GCC2: variants seen among roughly 807,000 people sequenced by gnomAD.
The protein encoded by GCC2 is GRIP and coiled-coil domain containing 2.
Under a neutral mutation model 210.6 loss-of-function variants are expected in GCC2, and 120 were observed. That is an observed-to-expected ratio of 0.57 (90% confidence interval 0.49 to 0.66). The LOEUF (loss-of-function observed/expected upper bound fraction) is 0.66. GCC2 is among the 30% of genes least tolerant of loss of function. The pLI is 0.00. For missense variants in GCC2, 1,868 were observed against 1,871.9 expected (o/e 1.00, Z 0.04); for synonymous variants, 703 against 652.7 (o/e 1.08, Z -1.17).
intron 7 of GCC2, chr2:108,474,847 G>A (rs1327634074): frequency 6.6e-6 from 1 of 152,150 alleles, no homozygotes; most frequent in Admixed American, 6.5e-5. Flanking sequence ...GAGAATTGTT[G>A]CTCTGATGCT....
chr2:108,466,912 C>T (rs1271704124), intron 4 of GCC2, among the ~76,000 whole-genome samples: 3 of 152,170 alleles, frequency 2.0e-5, no homozygotes, highest in Non-Finnish European at 4.4e-5. Flanking sequence ...AATAGCCTTT[C>T]TCCATTAACC....
At chr2:108,497,564 G>A (rs1478714535) in intron 21 of GCC2, among the ~76,000 whole-genome samples, 6 of 152,218 alleles carry the variant, frequency 3.9e-5, no homozygotes, top group Admixed American at 1.3e-4. Context: ...GTGAGTCGTT[G>A]AATTCTAAAG....
chr2:108,482,242 T>C (rs778612994), intron 10 of GCC2, 45 bp from the exon 11 acceptor site: 1 of 1,132,676 alleles, frequency 8.8e-7, no homozygotes, highest in Admixed American at 2.1e-5. Context: ...CTCTGCTGTA[T>C]ATGTTTTTTG....
At chr2:108,463,208 G>T (rs947091136) in intron 4 of GCC2, among the ~76,000 whole-genome samples, 2 of 152,054 alleles carry the variant, frequency 1.3e-5, no homozygotes, top group Admixed American at 6.5e-5. Context: ...ATTTCTTTTA[G>T]ATTGAGATCT....
chr2:108,459,745 C>CTTTTTTTTA (rs1680457218), intron 4 of GCC2, among the ~76,000 whole-genome samples: 1 of 26,764 alleles, frequency 3.7e-5, no homozygotes, highest in Non-Finnish European at 6.7e-5. Context: ...CCTTCTTTGT[C>CTTTTTTTTA]TTTTTTTTTT....
chr2:108,491,293 T>G (rs1399507249), intron 18 of GCC2, among the ~76,000 whole-genome samples: 1 of 152,200 alleles, frequency 6.6e-6, no homozygotes, highest in Non-Finnish European at 1.5e-5. Flanking sequence ...AATTCATAAA[T>G]GTCAGTGATA....
intron 7 of GCC2, chr2:108,473,384 G>A (rs901190581): frequency 1.3e-5 from 2 of 152,240 alleles, no homozygotes; most frequent in Non-Finnish European, 2.9e-5. Context: ...TTTTACACAG[G>A]AAGAAAGGTA....
intron 12 of GCC2, 82 bp from the exon 13 acceptor site, chr2:108,484,067 T>C: frequency 1.3e-6 from 1 of 783,174 alleles, no homozygotes; most frequent in Non-Finnish European, 2.0e-6. Context: ...GGCATCATTT[T>C]AGCAATTTTA....
At chr2:108,474,729 A>G (rs1432841298) in intron 7 of GCC2, 1 of 152,114 alleles carries the variant, frequency 6.6e-6, no homozygotes, top group African/African-American at 2.4e-5. Flanking sequence ...TGCTTTCACT[A>G]TTTGTTCCTG....
rs1394461749 is a variant in GCC2 at position 108,470,616 on chromosome 2, TAAG to T, written c.1288_1290del (p.Lys430del). ...AGCATAACAGAGAAGTACAGAGTCT[TAAG>T]GAACAACATCAAAAAGAAATATCAG... On this transcript the variant is annotated inframe_deletion, in exon 6 of 23. Transcript: ENST00000309863. 2.5e-6 allele frequency: 4 copies of T among 1,612,204 alleles called. No individual in the cohort carries two copies. The highest frequency in any genetic ancestry group is 3.3e-5 in the Admixed American group (2 of 59,878).
At chr2:108,464,612 GA>G (rs1680779025) in intron 4 of GCC2, among the ~76,000 whole-genome samples, 2 of 152,186 alleles carry the variant, frequency 1.3e-5, no homozygotes, top group African/African-American at 4.8e-5. Flanking sequence ...GAGCATTGGG[GA>G]ATTTCTCTCT....
chr2:108,459,123 G>A (rs1680424005), intron 4 of GCC2, among the ~76,000 whole-genome samples: 1 of 151,980 alleles, frequency 6.6e-6, no homozygotes, highest in Admixed American at 6.6e-5. Context: ...AATCACATAG[G>A]TTTTGTGATA....
At chr2:108,481,932 C>A in intron 10 of GCC2, 116 bp downstream of exon 10, 1 of 675,746 alleles carries the variant, frequency 1.5e-6, no homozygotes, top group Admixed American at 3.4e-5. Flanking sequence ...TCCCCCCCCA[C>A]TTTACCCTCC....
At chr2:108,493,596 C>T (rs987687862) in intron 19 of GCC2, 6 of 985,314 alleles carry the variant, frequency 6.1e-6, no homozygotes, top group Non-Finnish European at 2.4e-6. Flanking sequence ...TTCAGCCACA[C>T]CCAGTATCTT....
chr2:108,497,657 C>G, intron 21 of GCC2, among the ~76,000 whole-genome samples: 1 of 152,088 alleles, frequency 6.6e-6, no homozygotes, highest in Non-Finnish European at 1.5e-5. Context: ...GGCAAAGTGG[C>G]ATGGGAAGTT....
intron 22 of GCC2, among the ~76,000 whole-genome samples, chr2:108,505,588 C>T (rs1345621108): frequency 6.6e-6 from 1 of 152,160 alleles, no homozygotes; most frequent in African/African-American, 2.4e-5. Flanking sequence ...TTGAAGCAAG[C>T]TACCATCCCA....
chr2:108,452,230 A>G (rs577969781), intron 3 of GCC2, among the ~76,000 whole-genome samples, 169 bp from the exon 4 acceptor site: 1 of 152,304 alleles, frequency 6.6e-6, no homozygotes, highest in African/African-American at 2.4e-5. Context: ...AAAATTGGCC[A>G]TGTAATGCTG....
Position 108,484,163 on chromosome 2 carries a change from C to T in GCC2, c.3465C>T (p.Thr1155=), listed in dbSNP as rs767262699. 4.4e-6 allele frequency: 7 copies of T among 1,576,982 alleles called. No individual in the cohort carries two copies. In the South Asian group the frequency reaches 8.3e-5, roughly 19 times the overall value. Residue 1155 remains threonine (T), a synonymous_variant, in exon 13 of 23, where the codon ACC becomes ACT. Coordinates refer to ENST00000309863, the MANE Select transcript of GCC2 (RefSeq NM_181453.4). ...LELVKKDAQQ[T]TLMNMEIADY... is the part of the protein sequence containing the mutation. ...AAAATGTGCAGGATGCCCAACAAAC[C>T]ACATTGATGAATATGGAAATAGCTG...
At chr2:108,469,581 AT>A (rs1681075869) in intron 5 of GCC2, 69 bp from the exon 6 acceptor site, 1 of 1,088,326 alleles carries the variant, frequency 9.2e-7, no homozygotes, top group Non-Finnish European at 1.3e-6. Flanking sequence ...TGTGGCTAAT[AT>A]TTTTCCTAAG....
Sources: allele counts gnomAD v4.1 joint callset (sites outside exome capture counted in the v4.1 genomes callset), GRCh38; gene constraint gnomAD v4.1.1; transcripts MANE v1.5; gene names NCBI Gene and HGNC (gene_info 2026-07-23, HGNC 2026-07-21).